Variants in NDUFAF6 observed in about 807,000 individuals in gnomAD.
The protein encoded by NDUFAF6 is NADH:ubiquinone oxidoreductase complex assembly factor 6, also known as NADH dehydrogenase (ubiquinone) complex I, assembly factor 6.
In NDUFAF6, 45 loss-of-function variants were observed where a neutral mutation model predicts 40.8. The observed-to-expected ratio is 1.10, with a 90% confidence interval of 0.87 to 1.42. The LOEUF is 1.42. NDUFAF6 is among the 40% of genes most tolerant of loss of function. NDUFAF6 has a pLI of 0.00. For synonymous variants in NDUFAF6, 185 were observed against 155.9 expected (o/e 1.19, Z -1.39); for missense variants, 435 against 418.5 (o/e 1.04, Z -0.34).
chr8:94,977,348 C>A (rs1275090267), intron 1 of NDUFAF6, among the ~76,000 whole-genome samples: 2 of 151,328 alleles, frequency 1.3e-5, no homozygotes, highest in Non-Finnish European at 2.9e-5. Flanking sequence ...CCTATCCTTA[C>A]AAAAAATTTT....
chr8:94,963,111 T>A (rs1331699261), intron 1 of NDUFAF6, among the ~76,000 whole-genome samples: 1 of 151,808 alleles, frequency 6.6e-6, no homozygotes, highest in African/African-American at 2.4e-5. Context: ...CCTTTTCGTG[T>A]GAGAAAAAAA....
At chr8:94,986,120 G>A (rs554657363) in intron 2 of NDUFAF6, among the ~76,000 whole-genome samples, 1 of 152,196 alleles carries the variant, frequency 6.6e-6, no homozygotes, top group Non-Finnish European at 1.5e-5. Context: ...TGATCTGCCT[G>A]CCTCAGCCTC....
exon 1 of NDUFAF6, chr8:95,100,408 G>A (rs1809615199): frequency 6.6e-6 from 1 of 152,138 alleles, no homozygotes; most frequent in African/African-American, 2.4e-5. Flanking sequence ...AAAAGTTATT[G>A]ATAATGAAAA....
At chr8:95,112,535 T>G (rs1810025787) in intron 4 of NDUFAF6, among the ~76,000 whole-genome samples, 1 of 152,190 alleles carries the variant, frequency 6.6e-6, no homozygotes, top group African/African-American at 2.4e-5. Flanking sequence ...TCTAAAACTA[T>G]GAGAGAGTGG....
intron 2 of NDUFAF6, among the ~76,000 whole-genome samples, chr8:95,011,847 C>G (rs1324149158): frequency 6.6e-6 from 1 of 152,070 alleles, no homozygotes; most frequent in Non-Finnish European, 1.5e-5. Flanking sequence ...TCTACAAACT[C>G]AAAAGTCTAG....
chr8:95,107,628 T>TA (rs375744961), downstream of NDUFAF6, among the ~76,000 whole-genome samples: 427 of 147,960 alleles, frequency 2.9e-3, 2 homozygotes, highest in African/African-American at 9.7e-3. Flanking sequence ...TAAAGTGTAA[T>TA]AAAAAAAAAA....
intron 1 of NDUFAF6, among the ~76,000 whole-genome samples, chr8:94,959,741 T>C (rs540573286): frequency 2.6e-5 from 4 of 152,100 alleles, no homozygotes; most frequent in Non-Finnish European, 5.9e-5. Flanking sequence ...GATCCCACTA[T>C]GTTGCTCAGG....
At chr8:94,953,946 A>G (rs1822850834), upstream of NDUFAF6, among the ~76,000 whole-genome samples, 1 of 152,186 alleles carries the variant, frequency 6.6e-6, no homozygotes, top group Admixed American at 6.5e-5. Context: ...CATCCAAGGC[A>G]AGGTTTTTTA....
chr8:95,113,454 T>C (rs1460178203), intron 4 of NDUFAF6, among the ~76,000 whole-genome samples: 6 of 152,066 alleles, frequency 3.9e-5, no homozygotes, highest in African/African-American at 1.4e-4. Flanking sequence ...GAGCTTATGA[T>C]ACAGTGAGGT....
chr8:95,076,356 C>T (rs1399710625), downstream of NDUFAF6, among the ~76,000 whole-genome samples: 4 of 152,164 alleles, frequency 2.6e-5, no homozygotes, highest in Admixed American at 1.3e-4. Context: ...TGGGCCTGAC[C>T]TTAGCCATCA....
At chr8:95,024,825 G>A (rs1015354381), upstream of NDUFAF6, among the ~76,000 whole-genome samples, 2 of 152,248 alleles carry the variant, frequency 1.3e-5, no homozygotes, top group Middle Eastern at 3.2e-3. Flanking sequence ...CTGGAACGAA[G>A]GCCAAAGAGT....
chr8:94,985,976 C>T (rs561312153), intron 2 of NDUFAF6, among the ~76,000 whole-genome samples: 191 of 151,612 alleles, frequency 1.3e-3, no homozygotes, highest in Non-Finnish European at 2.5e-3. Flanking sequence ...CAGGTTCGAG[C>T]GATTCTCCTG....
At chr8:95,005,968 G>A (rs896344506) in intron 2 of NDUFAF6, among the ~76,000 whole-genome samples, 3 of 151,946 alleles carry the variant, frequency 2.0e-5, no homozygotes, top group Non-Finnish European at 2.9e-5. Flanking sequence ...TTCAAATGAT[G>A]ACCTCTATTG....
chr8:94,987,460 A>G (rs894359474), intron 2 of NDUFAF6, among the ~76,000 whole-genome samples: 2 of 152,082 alleles, frequency 1.3e-5, no homozygotes, highest in Non-Finnish European at 2.9e-5. Context: ...AAAGAGGTCC[A>G]TTGTCCACAA....
chr8:95,047,271 A>G lies in NDUFAF6; in HGVS notation c.714+144A>G, dbSNP rs1289458063. 5 of 1,159,692 alleles carry G rather than the reference A, an allele frequency of 4.3e-6. No homozygotes were observed. The East Asian group carries it at 1.3e-4, about 30-fold the overall frequency. The allele number at this position is 1,159,692 out of a possible 1,614,324, so 71.8% of individuals were successfully genotyped here. On this transcript the variant is annotated intron_variant, in intron 6 of 8. Coordinates refer to ENST00000396124, the MANE Select transcript of NDUFAF6 (RefSeq NM_152416.4). ...TACTAAAAATGGCCTTCCTCTTTTT[A>G]TCCCAGAGTTATCAAGTCAGAATTG...
intron 2 of NDUFAF6, among the ~76,000 whole-genome samples, chr8:95,093,533 G>A (rs4323439): frequency 0.7 from 106,777 of 152,150 alleles, 38,271 homozygotes; most frequent in East Asian, 0.9. Flanking sequence ...CCAATCACTC[G>A]TTAATGTTAC....
intron 1 of NDUFAF6, among the ~76,000 whole-genome samples, chr8:94,914,709 G>A (rs1354100586): frequency 2.0e-5 from 3 of 152,066 alleles, no homozygotes; most frequent in Non-Finnish European, 4.4e-5. Context: ...TGGATCACGG[G>A]AGTTCGAGAC....
rs1040843588 is a variant in NDUFAF6, at chr8:95,039,317, G to A, written c.421-2253G>A. ...AAAATACAAAAATTAGCCGGGCGTA[G>A]TGGTGTGCGCCTGTAGTCCCAGTTA... is the stretch of plus-strand genomic sequence containing the variant. On this transcript the variant is annotated intron_variant, in intron 3 of 8. Coordinates refer to ENST00000396124, the MANE Select transcript of NDUFAF6 (RefSeq NM_152416.4). Among the ~76,000 whole-genome samples, 5 of 152,014 alleles carry A rather than the reference G, an allele frequency of 3.3e-5. No individual in the cohort carries two copies. In the East Asian group the frequency reaches 9.7e-4, roughly 30 times the overall value.
downstream of NDUFAF6, among the ~76,000 whole-genome samples, chr8:95,106,269 C>T (rs1403139968): frequency 7.0e-6 from 1 of 143,480 alleles, no homozygotes; most frequent in Non-Finnish European, 1.5e-5. Flanking sequence ...AGCAAGACTC[C>T]ATCTCAAAAA....
Sources: allele counts gnomAD v4.1 joint callset (sites outside exome capture counted in the v4.1 genomes callset), GRCh38; gene constraint gnomAD v4.1.1; transcripts MANE v1.5; gene names NCBI Gene and HGNC (gene_info 2026-07-23, HGNC 2026-07-21).